AP2B1: variants seen among roughly 807,000 people sequenced by gnomAD.
AP2B1 encodes adaptor related protein complex 2 subunit beta 1.
AP2B1 carries 23 observed loss-of-function variants against 102.0 expected under a neutral mutation model. The ratio of observed to expected loss-of-function variants is 0.23; its 90% CI spans 0.16 to 0.32. The LOEUF (loss-of-function observed/expected upper bound fraction) is 0.32, where lower values mean the gene tolerates loss of function less well. Among genes scored for constraint, AP2B1 ranks in the 10% least tolerant of loss-of-function variants. The probability of loss-of-function intolerance (pLI) is 1.00; values close to 1 mark genes in which losing one functional copy is unlikely to be tolerated. For missense variants in AP2B1, 541 were observed against 1,157.4 expected (o/e 0.47, Z 7.73); for synonymous variants, 381 against 421.2 (o/e 0.90, Z 1.17).
Position 35,682,720 on chromosome 17 carries a change from C to T in AP2B1, c.2350C>T (p.Leu784=). 6.2e-7 allele frequency: 1 copy of T among 1,612,322 alleles called. No individual in the cohort carries two copies. The highest frequency in any genetic ancestry group is 8.5e-7 in the Non-Finnish European group (1 of 1,178,762). ...CTTTGGTGTCATCCCCAGCACTCCT[C>T]TGGCCATCCATACACCACTGATGCC... ...NSFGVIPSTP[L]AIHTPLMPNQ... Residue 784 remains leucine, a synonymous_variant, in exon 18 of 22, where the codon CTG becomes TTG. Coordinates refer to ENST00000610402, the MANE Select transcript of AP2B1 (RefSeq NM_001030006.2).
At chr17:35,682,940 C>T (rs917986642) in intron 18 of AP2B1, 116 bp downstream of exon 18, 32 of 1,004,298 alleles carry the variant, frequency 3.2e-5, no homozygotes, top group African/African-American at 2.0e-4. Flanking sequence ...TGTAGTGGTG[C>T]GATCTTGGCT....
chr17:35,682,720 C>G lies in AP2B1; in HGVS notation c.2350C>G (p.Leu784Val). ...CTTTGGTGTCATCCCCAGCACTCCT[C>G]TGGCCATCCATACACCACTGATGCC... Reference protein sequence around the residue: ...NSFGVIPSTPLAIHTPLMPNQ... With the variant: ...NSFGVIPSTPVAIHTPLMPNQ... Residue 784 changes from leucine (L) to valine (V), a missense_variant, in exon 18 of 22, where the codon CTG (leucine) becomes GTG (valine). Physicochemically the swap from Leu to Val is conservative, Grantham distance 32. Transcript: ENST00000610402. The G allele has an allele frequency of 1.9e-6, 3 of 1,612,322 alleles. No homozygotes were observed. The highest frequency in any genetic ancestry group is 2.5e-6 in the Non-Finnish European group (3 of 1,178,762).
At chr17:35,662,606 T>C (rs962926814) in intron 14 of AP2B1, among the ~76,000 whole-genome samples, 2 of 150,098 alleles carry the variant, frequency 1.3e-5, no homozygotes, top group East Asian at 4.0e-4. Flanking sequence ...GTGATTTTTC[T>C]CACCGTGCAG....
chr17:35,712,068 C>A lies in AP2B1; in HGVS notation c.2626+1748C>A, dbSNP rs115930091. 8.5e-3 allele frequency among the ~76,000 whole-genome samples: 1,291 copies of A among 152,292 alleles called. 10 individuals carry two copies. Among genetic ancestry groups the A allele is most frequent in the African/African-American group, 0.026 (1,067 of 41,548 alleles). On this transcript the variant is annotated intron_variant, in intron 20 of 21. Coordinates refer to ENST00000610402, the MANE Select transcript of AP2B1 (RefSeq NM_001030006.2). The stretch of plus-strand genomic sequence containing the variant: ...GGAGCTCTTGGAGAGGTGTTTGAAG[C>A]ATGGTCTTCTGTAATTTCCATCATA...
chr17:35,718,604 T>C (rs1555591329), intron 21 of AP2B1, among the ~76,000 whole-genome samples: 1 of 151,942 alleles, frequency 6.6e-6, no homozygotes, highest in African/African-American at 2.4e-5. Flanking sequence ...TCCCAGCTAC[T>C]GGAGAGGCTG....
At chr17:35,701,489 T>TTG (rs1372760305) in intron 18 of AP2B1, among the ~76,000 whole-genome samples, 2 of 152,236 alleles carry the variant, frequency 1.3e-5, no homozygotes, top group Non-Finnish European at 2.9e-5. Context: ...CTACTTCATA[T>TTG]TATACCCCTA....
chr17:35,694,666 A>G (rs2076106355), intron 18 of AP2B1, among the ~76,000 whole-genome samples: 1 of 152,100 alleles, frequency 6.6e-6, no homozygotes, highest in Non-Finnish European at 1.5e-5. Flanking sequence ...ACTTGAGGTC[A>G]GGAGTTCGAG....
At position 35,626,811 on chromosome 17, in the gene AP2B1, C is replaced by T; in HGVS notation, c.907C>T (p.Leu303=). Reference sequence around the variant, plus strand: ...GGAGCCAGAAGTGCAGTATGTCGCCCTGAGGAACATCAACTTAATTGTCCA... The same window carrying T: ...GGAGCCAGAAGTGCAGTATGTCGCCTTGAGGAACATCAACTTAATTGTCCA... The part of the protein sequence containing the change: ...SGEPEVQYVA[L]RNINLIVQKR... The change falls in exon 7 of 22, where the codon CTG becomes TTG. Residue 303 remains leucine (L), a synonymous_variant. Transcript: ENST00000610402. 1 of 1,613,938 alleles carries T rather than the reference C, an allele frequency of 6.2e-7. No individual in the cohort carries two copies. The highest frequency in any genetic ancestry group is 8.5e-7 in the Non-Finnish European group (1 of 1,179,970).
Position 35,643,027 on chromosome 17 carries a change from CT to C in AP2B1, c.1536+1066del, listed in dbSNP as rs541834442. ...TTATTCCTCCCACACCCCCCACAGC[CT>C]TTTTTTTTTTTTTGTACTCTGTTTC... On this transcript the variant is annotated intron_variant, in intron 12 of 21. Transcript: ENST00000610402. Among the ~76,000 whole-genome samples the C allele has an allele frequency of 3.0e-3, 418 of 140,176 alleles. 1 individual carries two copies. The highest frequency in any genetic ancestry group is 3.8e-3 in the African/African-American group (146 of 38,502). 92.0% of individuals were successfully genotyped at this position (140,176 alleles called of 152,430 possible).
chr17:35,685,024 A>G (rs2075902282), intron 18 of AP2B1, among the ~76,000 whole-genome samples: 1 of 152,210 alleles, frequency 6.6e-6, no homozygotes, highest in Admixed American at 6.5e-5. Context: ...CTTTCCTCAA[A>G]AGTATTGATG....
At chr17:35,621,660 T>C (rs997921682) in intron 5 of AP2B1, among the ~76,000 whole-genome samples, 3 of 152,224 alleles carry the variant, frequency 2.0e-5, no homozygotes, top group Non-Finnish European at 4.4e-5. Context: ...GGCAATTGCC[T>C]ATTTAAACAT....
At chr17:35,650,968 G>T (rs2075072008) in intron 13 of AP2B1, 179 bp downstream of exon 13, 1 of 636,008 alleles carries the variant, frequency 1.6e-6, no homozygotes, top group Admixed American at 3.0e-5. Context: ...CAACCCCAGG[G>T]AGCTCCATCT....
intron 21 of AP2B1, among the ~76,000 whole-genome samples, chr17:35,719,161 A>G (rs1004299465): frequency 6.6e-6 from 1 of 152,198 alleles, no homozygotes; most frequent in Non-Finnish European, 1.5e-5. Context: ...TTACACACCC[A>G]TACTACATTT....
At chr17:35,603,426 C>G (rs1258734912) in intron 3 of AP2B1, among the ~76,000 whole-genome samples, 2 of 152,186 alleles carry the variant, frequency 1.3e-5, no homozygotes, top group African/African-American at 4.8e-5. Context: ...GCTAATGGTG[C>G]TCCTTTAAAT....
chr17:35,671,031 G>A, intron 15 of AP2B1, 133 bp downstream of exon 15: 1 of 808,076 alleles, frequency 1.2e-6, no homozygotes, highest in Non-Finnish European at 2.0e-6. Context: ...CAGTATATGG[G>A]TAGTAGAAAG....
At chr17:35,638,721 G>A (rs1416129062) in intron 10 of AP2B1, among the ~76,000 whole-genome samples, 3 of 151,270 alleles carry the variant, frequency 2.0e-5, no homozygotes, top group African/African-American at 2.4e-5. Context: ...CCCGGGAGGC[G>A]GAGCTTGCAG....
intron 9 of AP2B1, among the ~76,000 whole-genome samples, chr17:35,636,070 A>AT (rs2074600041): frequency 6.6e-6 from 1 of 152,050 alleles, no homozygotes; most frequent in African/African-American, 2.4e-5. Context: ...CCCTGACATA[A>AT]ATGTTTTTCA....
rs746055241 is a variant in AP2B1 at position 35,641,915 on chromosome 17, T to C, written c.1476T>C (p.Phe492=). 1 of 1,612,988 alleles carries C rather than the reference T, an allele frequency of 6.2e-7. No individual in the cohort carries two copies. Among genetic ancestry groups the C allele is most frequent in the South Asian group, 1.1e-5 (1 of 90,960 alleles). The change falls in exon 12 of 22, where the codon TTT becomes TTC. Residue 492 remains phenylalanine, a synonymous_variant. Transcript: ENST00000610402. ...TGCTTACTGCCATAGTGAAGCTGTT[T>C]CTCAAGAAACCATCAGAAACACAGG... ...LTLLTAIVKL[F]LKKPSETQEL...
At chr17:35,715,118 A>G (rs1039912143) in intron 20 of AP2B1, among the ~76,000 whole-genome samples, 1 of 152,236 alleles carries the variant, frequency 6.6e-6, no homozygotes, top group East Asian at 1.9e-4. Context: ...CGAATCACAC[A>G]TACTAATGTT....
Sources: gnomAD v4.1 joint callset for allele counts (sites outside exome capture counted in the v4.1 genomes callset) on GRCh38, gnomAD v4.1.1 for gene constraint, MANE v1.5 for transcripts, NCBI Gene and HGNC (gene_info 2026-07-23, HGNC 2026-07-21) for gene names.